Variants in ST6GALNAC3 observed in about 807,000 individuals in gnomAD.
The protein encoded by ST6GALNAC3 is ST6 N-acetylgalactosaminide alpha-2,6-sialyltransferase 3.
ST6GALNAC3 carries 25 observed loss-of-function variants against 32.7 expected under a neutral mutation model. The ratio of observed to expected loss-of-function variants is 0.76; its 90% CI spans 0.56 to 1.07. The LOEUF is 1.07. Ranked by LOEUF, ST6GALNAC3 falls within the 50% of genes least tolerant of loss-of-function variation. The probability of loss-of-function intolerance (pLI) is 0.00; values close to 1 mark genes in which losing one functional copy is unlikely to be tolerated. For synonymous variants in ST6GALNAC3, 129 were observed against 133.1 expected, an observed-to-expected ratio of 0.97 and a Z score of 0.21; for missense variants, 355 against 382.4, an observed-to-expected ratio of 0.93 and a Z score of 0.60.
Position 76,389,011 on chromosome 1 carries a change from C to CTTTTTTTTTTTTTTTTTTTTTTTTT in ST6GALNAC3, c.214-22997_214-22996insTTTTTTTTTTTTTTTTTTTTTTTTT, listed in dbSNP as rs138986165. ...GGTGTGGTTGTTAGTTGGTATATTT[C>CTTTTTTTTTTTTTTTTTTTTTTTTT]CTTTTTTTTTTTTTTTTGAGACAGA... is the stretch of plus-strand genomic sequence containing the variant. On this transcript the variant is annotated intron_variant, in intron 2 of 4. Coordinates refer to ENST00000328299, the MANE Select transcript of ST6GALNAC3 (RefSeq NM_152996.4). 6.5e-5 allele frequency among the ~76,000 whole-genome samples: 7 copies of CTTTTTTTTTTTTTTTTTTTTTTTTT among 107,910 alleles called. 3 individuals are homozygous for CTTTTTTTTTTTTTTTTTTTTTTTTT. The highest frequency in any genetic ancestry group is 1.8e-5 in the Non-Finnish European group (1 of 56,182). The allele number at this position is 107,910 out of a possible 152,430, so 70.8% of individuals were successfully genotyped here.
intron 1 of ST6GALNAC3, among the ~76,000 whole-genome samples, chr1:76,302,071 A>T (rs1193945583): frequency 6.6e-6 from 1 of 151,948 alleles, no homozygotes; most frequent in Non-Finnish European, 1.5e-5. Context: ...GGTGGTGGTG[A>T]CCACAACGGT....
At chr1:76,263,028 C>A (rs1265139814) in intron 1 of ST6GALNAC3, among the ~76,000 whole-genome samples, 1 of 152,122 alleles carries the variant, frequency 6.6e-6, no homozygotes, top group Non-Finnish European at 1.5e-5. Context: ...GGAACAGCTT[C>A]TTAGCTGAGC....
intron 3 of ST6GALNAC3, among the ~76,000 whole-genome samples, chr1:76,571,408 T>A (rs182615711): frequency 6.6e-6 from 1 of 152,062 alleles, no homozygotes; most frequent in African/African-American, 2.4e-5. Context: ...TCCGCACTTA[T>A]AAGGGACAGT....
intron 1 of ST6GALNAC3, among the ~76,000 whole-genome samples, chr1:76,211,236 A>C (rs1655139625): frequency 6.6e-6 from 1 of 152,254 alleles, no homozygotes; most frequent in Non-Finnish European, 1.5e-5. Flanking sequence ...CCACAATGAG[A>C]TACCATCTCA....
chr1:76,206,067 C>T (rs1422880342), intron 1 of ST6GALNAC3, among the ~76,000 whole-genome samples: 1 of 152,088 alleles, frequency 6.6e-6, no homozygotes, highest in Non-Finnish European at 1.5e-5. Flanking sequence ...AAGGATATAA[C>T]AAAATGTGAG....
At chr1:76,481,843 T>C (rs1342272059) in intron 3 of ST6GALNAC3, among the ~76,000 whole-genome samples, 2 of 152,132 alleles carry the variant, frequency 1.3e-5, no homozygotes, top group African/African-American at 4.8e-5. Context: ...CATGCAAATG[T>C]CTGGGGCTCC....
chr1:76,144,867 T>G (rs1264665583), intron 1 of ST6GALNAC3, among the ~76,000 whole-genome samples: 1 of 152,212 alleles, frequency 6.6e-6, no homozygotes, highest in Non-Finnish European at 1.5e-5. Flanking sequence ...GGTGAGGGCC[T>G]CCTTTATTGG....
Position 76,631,461 on chromosome 1 carries a change from C to A in ST6GALNAC3, c.*2655C>A, listed in dbSNP as rs543248937. 2.0e-4 allele frequency: 30 copies of A among 152,036 alleles called. No homozygotes were observed. Among genetic ancestry groups the A allele is most frequent in the African/African-American group, 6.7e-4 (28 of 41,504 alleles). The allele number at this position is 152,036 out of a possible 1,614,324, so 9.4% of individuals were successfully genotyped here. ...TCTAATTCTAGTGAAAATGCAAAGT[C>A]TAATTTCTCCCATGTTGAGAATAAA... On this transcript the variant is annotated 3_prime_UTR_variant, in exon 5 of 5. Transcript: ENST00000328299.
chr1:76,127,575 T>G (rs529021425), intron 1 of ST6GALNAC3, among the ~76,000 whole-genome samples: 24 of 152,374 alleles, frequency 1.6e-4, no homozygotes, highest in Non-Finnish European at 3.4e-4. Context: ...GCTTCTGGCA[T>G]GCACTGTGTT....
intron 1 of ST6GALNAC3, among the ~76,000 whole-genome samples, chr1:76,164,492 T>G (rs1652004283): frequency 6.6e-6 from 1 of 152,180 alleles, no homozygotes; most frequent in Non-Finnish European, 1.5e-5. Flanking sequence ...AATACTCTGT[T>G]TTTTACATTA....
At chr1:76,288,084 A>G (rs1187860367) in intron 1 of ST6GALNAC3, among the ~76,000 whole-genome samples, 1 of 152,206 alleles carries the variant, frequency 6.6e-6, no homozygotes, top group Non-Finnish European at 1.5e-5. Flanking sequence ...CTGATTCATT[A>G]TTTGACTAAG....
chr1:76,246,298 T>C (rs1657252334), intron 1 of ST6GALNAC3, among the ~76,000 whole-genome samples: 4 of 152,198 alleles, frequency 2.6e-5, no homozygotes, highest in Admixed American at 2.6e-4. Context: ...TGAGCCTATG[T>C]GTGTCTTTGC....
At chr1:76,626,654 G>A (rs1648986842) in intron 3 of ST6GALNAC3, among the ~76,000 whole-genome samples, 1 of 151,862 alleles carries the variant, frequency 6.6e-6, no homozygotes, top group Non-Finnish European at 1.5e-5. Context: ...GGTCCAAGTG[G>A]CTTCTTCCTC....
chr1:76,515,650 C>G (rs1047953880), intron 3 of ST6GALNAC3, among the ~76,000 whole-genome samples: 1 of 152,006 alleles, frequency 6.6e-6, no homozygotes, highest in African/African-American at 2.4e-5. Flanking sequence ...TTAAATTTCC[C>G]TTTCGTCTAC....
At chr1:76,502,037 A>G (rs1571436097) in intron 3 of ST6GALNAC3, among the ~76,000 whole-genome samples, 1 of 152,318 alleles carries the variant, frequency 6.6e-6, no homozygotes, top group East Asian at 1.9e-4. Flanking sequence ...ACAAAGGGCA[A>G]CACAGGCCAG....
At chr1:76,398,543 T>G (rs2101196960) in intron 2 of ST6GALNAC3, among the ~76,000 whole-genome samples, 1 of 152,264 alleles carries the variant, frequency 6.6e-6, no homozygotes, top group East Asian at 1.9e-4. Context: ...TCTATCTGGC[T>G]TTTGCTGAAT....
chr1:76,535,937 C>G (rs1212291574), intron 3 of ST6GALNAC3, among the ~76,000 whole-genome samples: 1 of 152,052 alleles, frequency 6.6e-6, no homozygotes, highest in African/African-American at 2.4e-5. Flanking sequence ...GCAAAAATAG[C>G]ATTTGATGGC....
chr1:76,281,063 GA>G (rs566279036), intron 1 of ST6GALNAC3, among the ~76,000 whole-genome samples: 3 of 152,128 alleles, frequency 2.0e-5, no homozygotes, highest in Non-Finnish European at 2.9e-5. Context: ...TCGTTTTGCA[GA>G]TTGGTAAGCT....
In ST6GALNAC3 at chr1:76,324,180, A is replaced by G. The variant is rs905390367; in HGVS notation, c.213+10181A>G. 3.3e-5 allele frequency among the ~76,000 whole-genome samples: 5 copies of G among 152,192 alleles called. No homozygotes were observed. The South Asian group carries it at 1.0e-3, about 32-fold the overall frequency. On this transcript the variant is annotated intron_variant, in intron 2 of 4. Transcript: ENST00000328299. ...TGAAGAAGTATTTTTTAAGCAATGT[A>G]TATCTGTGAAACACTCTAGAACTTT...
Sources: allele counts gnomAD v4.1 joint callset (sites outside exome capture counted in the v4.1 genomes callset), GRCh38; gene constraint gnomAD v4.1.1; transcripts MANE v1.5; gene names NCBI Gene and HGNC (gene_info 2026-07-23, HGNC 2026-07-21).